NDST2: variants seen among roughly 807,000 people sequenced by gnomAD.
NDST2 encodes the protein N-deacetylase and N-sulfotransferase 2.
NDST2 carries 32 observed loss-of-function variants against 86.9 expected under a neutral mutation model. That is an observed-to-expected ratio of 0.37 (90% CI 0.28 to 0.49). The LOEUF (loss-of-function observed/expected upper bound fraction) is 0.49. Ranked by LOEUF, NDST2 falls within the 20% of genes least tolerant of loss-of-function variation. The probability of loss-of-function intolerance (pLI) is 0.97; values close to 1 mark genes in which losing one functional copy is unlikely to be tolerated. For synonymous variants in NDST2, 409 were observed against 437.0 expected, an observed-to-expected ratio of 0.94 and a Z score of 0.80; for missense variants, 950 against 1,146.9, an observed-to-expected ratio of 0.83 and a Z score of 2.48.
In NDST2 at chr10:73,805,958, C is replaced by A. The variant is rs535935862; in HGVS notation, c.1505G>T (p.Arg502Leu). 6.2e-7 allele frequency: 1 copy of A among 1,614,066 alleles called. No homozygotes were observed. The highest frequency in any genetic ancestry group is 2.2e-5 in the East Asian group (1 of 44,896). Reference sequence around the variant, plus strand: ...ACCTCGGATGCTCCGGTCTAGTTCACGAGAGCCTCCAGGATACTCATTATA... The same window carrying A: ...ACCTCGGATGCTCCGGTCTAGTTCAAGAGAGCCTCCAGGATACTCATTATA... ...IFYNEYPGGS[R>L]ELDRSIRGGE... The change falls in exon 7 of 15, where the codon CGT (arginine) becomes CTT (leucine). Residue 502 changes from arginine (R) to leucine (L), a missense_variant. Transcript: ENST00000309979.
In NDST2 at chr10:73,805,603, C is replaced by T. The variant is rs765050559; in HGVS notation, c.1730G>A (p.Arg577Gln). The change falls in exon 8 of 15, where the codon CGA (arginine) becomes CAA (glutamine). Residue 577 changes from arginine (R) to glutamine (Q), a missense_variant. Physicochemically the swap from Arg to Gln is conservative, Grantham distance 43. Transcript: ENST00000309979. ...CACCTTTACCTGCCAAAGGGGGCTTCGCTCCTGAGGGAAAAGTTCAAAGTA... is the reference window on the plus strand; with the variant it reads ...CACCTTTACCTGCCAAAGGGGGCTTTGCTCCTGAGGGAAAAGTTCAAAGTA... ...QKYFELFPQE[R>Q]SPLWQNPCDD... The T allele has an allele frequency of 9.9e-6, 16 of 1,614,094 alleles. No homozygotes were observed. The highest frequency in any genetic ancestry group is 1.7e-4 in the Middle Eastern group (1 of 6,060).
At chr10:73,803,456 G>A (rs1589609526) in intron 11 of NDST2, 97 bp from the exon 12 acceptor site, 4 of 1,545,992 alleles carry the variant, frequency 2.6e-6, no homozygotes, top group Non-Finnish European at 2.7e-6. Context: ...ACGGGTACCC[G>A]TCCCCAAGGC....
At chr10:73,805,131 C>A (rs2084077054) in intron 8 of NDST2, among the ~76,000 whole-genome samples, 1 of 151,928 alleles carries the variant, frequency 6.6e-6, no homozygotes, top group Non-Finnish European at 1.5e-5. Flanking sequence ...AGACTCCTGA[C>A]CTCAGGTGAT....
In NDST2 at chr10:73,802,308, TC is replaced by T; in HGVS notation, c.*142del. On this transcript the variant is annotated 3_prime_UTR_variant, in exon 15 of 15. Coordinates refer to ENST00000309979, the MANE Select transcript of NDST2 (RefSeq NM_003635.4). ...CAGAACTGTGGGAAAAGGATACCCT[TC>T]CCTTCTCAGCCATCTCAGGCCTGGG... 1.2e-6 allele frequency: 1 copy of T among 824,764 alleles called. No individual in the cohort carries two copies. The highest frequency in any genetic ancestry group is 1.9e-6 in the Non-Finnish European group (1 of 533,328). The allele number at this position is 824,764 out of a possible 1,614,324, so 51.1% of individuals were successfully genotyped here.
At position 73,806,777 on chromosome 10, in the gene NDST2, C is replaced by T. The variant is rs199845930; in HGVS notation, c.1128G>A (p.Leu376=). ...ACCAGAACTCTTTGCGGTGCTTCAG[C>T]AGCATGTCGTCCCCTGCATCCTCCT... ...TEEEDAGDDM[L]LKHRKEFWWF... Residue 376 remains leucine, a synonymous_variant, in exon 5 of 15, where the codon CTG becomes CTA. Transcript: ENST00000309979. The surrounding 1 kb of genome is among the most constrained non-coding windows in gnomAD (Gnocchi z 4.5). 2.5e-6 allele frequency: 4 copies of T among 1,614,216 alleles called. No homozygotes were observed. In the East Asian group the frequency reaches 6.7e-5, roughly 27 times the overall value.
rs377669248 is a variant in NDST2 at position 73,807,190 on chromosome 10, C to T, written c.1011G>A (p.Leu337=). The part of the protein sequence containing the change: ...TRMKVADVEA[L]LTTQNKLRTL... ...TCCTGAGTTTGTTCTGGGTGGTCAA[C>T]AGAGCCTGGGAAGAGTAGCAGGGAC... The change falls in exon 4 of 15, where the codon CTG becomes CTA. Residue 337 remains leucine, a synonymous_variant. Coordinates refer to ENST00000309979, the MANE Select transcript of NDST2 (RefSeq NM_003635.4). 3.1e-6 allele frequency: 5 copies of T among 1,613,746 alleles called. No homozygotes were observed. The highest frequency in any genetic ancestry group is 4.2e-6 in the Non-Finnish European group (5 of 1,179,898).
rs960909289 is a variant in NDST2 at position 73,802,351 on chromosome 10, G to C, written c.*100C>G. The C allele has an allele frequency of 2.2e-4, 297 of 1,355,292 alleles. 1 individual carries two copies. The Admixed American group carries it at 5.6e-3, about 25-fold the overall frequency. The allele number at this position is 1,355,292 out of a possible 1,614,324, so 84.0% of individuals were successfully genotyped here. A position where few individuals can be genotyped will look rare whatever the true frequency, so the allele number is the denominator to read the frequency against. On this transcript the variant is annotated 3_prime_UTR_variant, in exon 15 of 15. Transcript: ENST00000309979. The stretch of plus-strand genomic sequence containing the variant: ...AGGCCTGGGGGCTACTGAGGTAGAG[G>C]GGGAGGGGCCAGGCCACTCTAATCC...
At chr10:73,810,405 C>G (rs1039184773) in intron 2 of NDST2, among the ~76,000 whole-genome samples, 1 of 151,930 alleles carries the variant, frequency 6.6e-6, no homozygotes, top group African/African-American at 2.4e-5. Flanking sequence ...TTGCAGTGAG[C>G]TGAGATTGTG....
In NDST2 at chr10:73,808,243, G is replaced by A; in HGVS notation, c.146C>T (p.Pro49Leu). The change falls in exon 3 of 15, where the codon CCC becomes CTC. Residue 49 changes from proline to leucine, a missense_variant. Physicochemically the swap from Pro to Leu is moderately conservative, Grantham distance 98. Coordinates refer to ENST00000309979, the MANE Select transcript of NDST2 (RefSeq NM_003635.4). The surrounding 1 kb of genome is among the most constrained non-coding windows in gnomAD (Gnocchi z 4.3). ...STSPKAKEPL[P>L]LPLGDCSSGG... ...GCTGCTGCAGTCTCCCAAGGGCAGGGGCAAGGGTTCCTTGGCCTTAGGGCT... is the reference window on the plus strand; with the variant it reads ...GCTGCTGCAGTCTCCCAAGGGCAGGAGCAAGGGTTCCTTGGCCTTAGGGCT... 6.2e-7 allele frequency: 1 copy of A among 1,610,706 alleles called. No individual in the cohort carries two copies. Among genetic ancestry groups the A allele is most frequent in the Non-Finnish European group, 8.5e-7 (1 of 1,178,432 alleles).
rs2084100348 is a variant in NDST2, at chr10:73,806,240, C to A, written c.1434+49G>T. 6.2e-7 allele frequency: 1 copy of A among 1,605,054 alleles called. No homozygotes were observed. Among genetic ancestry groups the A allele is most frequent in the African/African-American group, 1.3e-5 (1 of 74,726 alleles). On this transcript the variant is annotated intron_variant, in intron 6 of 14. Transcript: ENST00000309979. The surrounding 1 kb of genome is among the most constrained non-coding windows in gnomAD (Gnocchi z 4.5). ...AACATAGGTCAATGCATGTTGAAAGCTGTCTAAATGTTAGAGTTTGATTCA... is the reference window on the plus strand; with the variant it reads ...AACATAGGTCAATGCATGTTGAAAGATGTCTAAATGTTAGAGTTTGATTCA...
intron 4 of NDST2, 41 bp downstream of exon 4, chr10:73,807,067 T>A (rs759925979): frequency 6.3e-7 from 1 of 1,577,950 alleles, no homozygotes; most frequent in South Asian, 1.1e-5. Context: ...AAGGGACAGG[T>A]CAAACTATGA....
At chr10:73,811,407 C>G (rs1360950929) in intron 1 of NDST2, 67 bp downstream of exon 1, 1 of 151,560 alleles carries the variant, frequency 6.6e-6, no homozygotes. Flanking sequence ...TGGCAACATC[C>G]AAGGGAGTCT....
Position 73,801,951 on chromosome 10 carries a change from C to T in NDST2, c.*500G>A, listed in dbSNP as rs958522090. On this transcript the variant is annotated 3_prime_UTR_variant, in exon 15 of 15. Coordinates refer to ENST00000309979, the MANE Select transcript of NDST2 (RefSeq NM_003635.4). This position sits in a 1 kb window ranked among gnomAD's most constrained non-coding sequence, Gnocchi z 4.9. ...GATGTTTATTAAGGACATTTCTAGCCCACAGCTAGGGCTCATACTCGGCTC... is the reference window on the plus strand; with the variant it reads ...GATGTTTATTAAGGACATTTCTAGCTCACAGCTAGGGCTCATACTCGGCTC... 11 of 393,170 alleles carry T rather than the reference C, an allele frequency of 2.8e-5. No homozygotes were observed. Among genetic ancestry groups the T allele is most frequent in the Non-Finnish European group, 5.1e-5 (11 of 214,514 alleles). 24.4% of individuals were successfully genotyped at this position (393,170 alleles called of 1,614,324 possible). A position where few individuals can be genotyped will look rare whatever the true frequency, so the allele number is the denominator to read the frequency against.
At position 73,807,832 on chromosome 10, in the gene NDST2, C is replaced by T; in HGVS notation, c.557G>A (p.Gly186Asp). 2 of 1,614,170 alleles carry T rather than the reference C, an allele frequency of 1.2e-6. No homozygotes were observed. The highest frequency in any genetic ancestry group is 1.7e-6 in the Non-Finnish European group (2 of 1,180,028). ...GTTTGAGTGTAAAAAAAGGGGAAAG[C>T]CCTTGAGCTGGGCGCTCAGTAGGCT... ...EHSLLSAQLKGFPLFLHSNLG... is the reference protein window; with the variant it reads ...EHSLLSAQLKDFPLFLHSNLG... The change falls in exon 3 of 15, where the codon GGC (glycine) becomes GAC (aspartate). Residue 186 changes from glycine to aspartate, a missense_variant. By Grantham distance (94) the Gly-to-Asp change is moderately conservative. This residue lies in a region of NDST2 where 586 missense variants were observed against 714.0 expected (regional missense o/e 0.82). Coordinates refer to ENST00000309979, the MANE Select transcript of NDST2 (RefSeq NM_003635.4).
In NDST2 at chr10:73,803,360, C is replaced by G; in HGVS notation, c.2143-1G>C. 2 of 1,614,078 alleles carry G rather than the reference C, an allele frequency of 1.2e-6. No individual in the cohort carries two copies. Among genetic ancestry groups the G allele is most frequent in the Non-Finnish European group, 1.7e-6 (2 of 1,179,972 alleles). On this transcript the variant is annotated splice_acceptor_variant, in intron 11 of 14. Coordinates refer to ENST00000309979, the MANE Select transcript of NDST2 (RefSeq NM_003635.4). LOFTEE classifies it high-confidence loss of function. Reference sequence around the variant, plus strand: ...CTGGGTCTCCATGGGCTCGCTGATGCTGAAGGACAAAGAGAAGGAAGGTGA... The same window carrying G: ...CTGGGTCTCCATGGGCTCGCTGATGGTGAAGGACAAAGAGAAGGAAGGTGA...
chr10:73,807,480 C>T lies in NDST2; in HGVS notation c.909G>A (p.Lys303=), dbSNP rs1241340442. 6.2e-7 allele frequency: 1 copy of T among 1,614,086 alleles called. No individual in the cohort carries two copies. Among genetic ancestry groups the T allele is most frequent in the African/African-American group, 1.3e-5 (1 of 74,928 alleles). Residue 303 remains lysine (K), a synonymous_variant, in exon 3 of 15, where the codon AAG becomes AAA. Coordinates refer to ENST00000309979, the MANE Select transcript of NDST2 (RefSeq NM_003635.4). Reference sequence around the variant, plus strand: ...AGCGGTCAAGGTCCAGGCAGAGGCGCTTGCCAGTGAGGTATGCAACAGCAT... The same window carrying T: ...AGCGGTCAAGGTCCAGGCAGAGGCGTTTGCCAGTGAGGTATGCAACAGCAT... ...FVDAVAYLTG[K]RLCLDLDRYI...
At chr10:73,811,452 G>A (rs1284091220) in intron 1 of NDST2, 22 bp downstream of exon 1, 3 of 151,960 alleles carry the variant, frequency 2.0e-5, no homozygotes, top group African/African-American at 7.3e-5. Context: ...TGGGCGGGGG[G>A]GTCTCCTCAG....
Position 73,806,034 on chromosome 10 carries a change from G to A in NDST2, c.1435-6C>T. 1 of 1,610,276 alleles carries A rather than the reference G, an allele frequency of 6.2e-7. No homozygotes were observed. The highest frequency in any genetic ancestry group is 8.5e-7 in the Non-Finnish European group (1 of 1,178,950). On this transcript the variant is annotated splice_polypyrimidine_tract_variant and splice_region_variant and intron_variant, in intron 6 of 14. Transcript: ENST00000309979. This position sits in a 1 kb window ranked among gnomAD's most constrained non-coding sequence, Gnocchi z 4.5. ...CATGTCTGCCGGGGCAGCACCTGGA[G>A]GGAAAAGAAAAAACAGATGAGATTT...
intron 8 of NDST2, 78 bp downstream of exon 8, chr10:73,805,509 G>A (rs1311024442): frequency 7.1e-7 from 1 of 1,417,580 alleles, no homozygotes; most frequent in East Asian, 2.3e-5. Context: ...GCGAGATTCT[G>A]TCTCAAAACA....
Sources: allele counts gnomAD v4.1 joint callset (sites outside exome capture counted in the v4.1 genomes callset), GRCh38; gene constraint gnomAD v4.1.1; regional missense constraint gnomAD v4.1.1; non-coding constraint Gnocchi (gnomAD v3.1); transcripts MANE v1.5; gene names NCBI Gene and HGNC (gene_info 2026-07-23, HGNC 2026-07-21).